KCNT2: variants seen among roughly 807,000 people sequenced by gnomAD.
KCNT2 encodes the protein potassium channel subfamily T member 2.
Under a neutral mutation model 153.8 loss-of-function variants are expected in KCNT2, and 67 were observed. The observed-to-expected ratio is 0.44, with a 90% CI of 0.36 to 0.53. KCNT2 has a LOEUF of 0.53. Ranked by LOEUF, KCNT2 falls within the 20% of genes least tolerant of loss-of-function variation. The pLI is 0.00. For synonymous variants in KCNT2, 500 were observed against 458.8 expected, an observed-to-expected ratio of 1.09 and a Z score of -1.15; for missense variants, 975 against 1,354.8, an observed-to-expected ratio of 0.72 and a Z score of 4.40.
chr1:196,384,883 C>T (rs745645047), intron 13 of KCNT2, among the ~76,000 whole-genome samples: 7 of 152,128 alleles, frequency 4.6e-5, no homozygotes, highest in Non-Finnish European at 1.0e-4. Flanking sequence ...GCATAACAAC[C>T]TAATCTTCAT....
chr1:196,288,137 T>A (rs922948112), intron 22 of KCNT2, among the ~76,000 whole-genome samples: 2 of 120,628 alleles, frequency 1.7e-5, no homozygotes, highest in Admixed American at 7.7e-5. Flanking sequence ...AAAAAATAAA[T>A]AAATAAAAAA....
intron 9 of KCNT2, 55 bp from the exon 10 acceptor site, chr1:196,428,324 C>T (rs1412519846): frequency 8.4e-7 from 1 of 1,194,320 alleles, no homozygotes; most frequent in Admixed American, 1.8e-5. Context: ...ATAAATAAAT[C>T]AATGCAATAC....
At chr1:196,557,659 C>T (rs1184859982) in intron 1 of KCNT2, among the ~76,000 whole-genome samples, 1 of 151,048 alleles carries the variant, frequency 6.6e-6, no homozygotes, top group Non-Finnish European at 1.5e-5. Flanking sequence ...TTCTATTTTA[C>T]TTACCACTGA....
At chr1:196,451,969 C>A (rs1676250518) in intron 8 of KCNT2, among the ~76,000 whole-genome samples, 1 of 151,740 alleles carries the variant, frequency 6.6e-6, no homozygotes, top group African/African-American at 2.4e-5. Flanking sequence ...TAATTTAGTT[C>A]TTTTTTTCAA....
intron 19 of KCNT2, 55 bp downstream of exon 19, chr1:196,326,662 T>G: frequency 9.6e-7 from 1 of 1,043,266 alleles, no homozygotes; most frequent in Non-Finnish European, 1.4e-6. Flanking sequence ...TTGATATACA[T>G]TAACATACTA....
chr1:196,541,363 C>T (rs973311571), intron 1 of KCNT2, among the ~76,000 whole-genome samples: 2 of 151,818 alleles, frequency 1.3e-5, no homozygotes, highest in Non-Finnish European at 2.9e-5. Context: ...CCTAATCCTG[C>T]CCATTGCCTC....
intron 13 of KCNT2, among the ~76,000 whole-genome samples, chr1:196,376,889 G>T (rs1669012483): frequency 6.6e-6 from 1 of 151,936 alleles, no homozygotes; most frequent in Admixed American, 6.6e-5. Flanking sequence ...GAAGATGTAG[G>T]TTATTAATAA....
Position 196,605,682 on chromosome 1 carries a change from A to C in KCNT2, c.95+2533T>G, listed in dbSNP as rs1046517194. Among the ~76,000 whole-genome samples the C allele has an allele frequency of 2.6e-5, 4 of 152,296 alleles. No homozygotes were observed. The East Asian group carries it at 7.7e-4, about 29-fold the overall frequency. The stretch of plus-strand genomic sequence containing the variant: ...TGAGTCCAAGAAGATAACTGAGTAG[A>C]ATGAGATTGCTATCCAGGCGTAATT... On this transcript the variant is annotated intron_variant, in intron 1 of 27. Coordinates refer to ENST00000294725, the MANE Select transcript of KCNT2 (RefSeq NM_198503.5).
At chr1:196,416,005 A>T (rs1672725434) in intron 12 of KCNT2, among the ~76,000 whole-genome samples, 1 of 152,024 alleles carries the variant, frequency 6.6e-6, no homozygotes, top group Non-Finnish European at 1.5e-5. Flanking sequence ...TCTAGAAAAA[A>T]ACAATTTATA....
intron 22 of KCNT2, among the ~76,000 whole-genome samples, chr1:196,286,617 TCACA>T (rs548240607): frequency 6.3e-5 from 9 of 143,176 alleles, no homozygotes; most frequent in African/African-American, 1.1e-4. Flanking sequence ...CTTCTGTATA[TCACA>T]CACACACACA....
intron 26 of KCNT2, among the ~76,000 whole-genome samples, chr1:196,243,736 G>A (rs1395810840): frequency 6.6e-6 from 1 of 152,182 alleles, no homozygotes; most frequent in Non-Finnish European, 1.5e-5. Context: ...GTGCTCTGGG[G>A]TTCTAAATAA....
intron 12 of KCNT2, among the ~76,000 whole-genome samples, chr1:196,405,607 T>G (rs567889698): frequency 2.6e-5 from 4 of 151,478 alleles, no homozygotes; most frequent in Non-Finnish European, 5.9e-5. Context: ...CTCCATAAAT[T>G]TATAATTTTT....
chr1:196,402,467 A>C (rs1302224429), intron 12 of KCNT2, among the ~76,000 whole-genome samples: 1 of 151,606 alleles, frequency 6.6e-6, no homozygotes, highest in Non-Finnish European at 1.5e-5. Context: ...TATAAAGCTC[A>C]CTATGAAGCA....
intron 20 of KCNT2, among the ~76,000 whole-genome samples, chr1:196,317,499 C>T (rs529506335): frequency 7.9e-5 from 12 of 151,668 alleles, no homozygotes; most frequent in African/African-American, 1.4e-4. Flanking sequence ...ATCAAAATGA[C>T]GCTTAAGTCA....
At chr1:196,300,275 ATTG>A (rs1364000405) in intron 22 of KCNT2, among the ~76,000 whole-genome samples, 1 of 152,184 alleles carries the variant, frequency 6.6e-6, no homozygotes, top group African/African-American at 2.4e-5. Flanking sequence ...TATTTTTCAT[ATTG>A]TTGTTATGAA....
intron 26 of KCNT2, among the ~76,000 whole-genome samples, chr1:196,250,377 C>T (rs149288777): frequency 6.6e-6 from 1 of 152,206 alleles, no homozygotes; most frequent in East Asian, 1.9e-4. Flanking sequence ...CAAGAACATA[C>T]ATTGGGGAAA....
intron 1 of KCNT2, among the ~76,000 whole-genome samples, chr1:196,572,909 ACT>A: frequency 6.6e-6 from 1 of 152,100 alleles, no homozygotes; most frequent in Admixed American, 6.6e-5. Context: ...AATGAGTTCT[ACT>A]CCATATACAT....
At position 196,489,834 on chromosome 1, in the gene KCNT2, T is replaced by C; in HGVS notation, c.275+4A>G. 7.0e-7 allele frequency: 1 copy of C among 1,425,864 alleles called. No homozygotes were observed. Among genetic ancestry groups the C allele is most frequent in the Non-Finnish European group, 9.7e-7 (1 of 1,028,642 alleles). The allele number at this position is 1,425,864 out of a possible 1,614,324, so 88.3% of individuals were successfully genotyped here. A position where few individuals can be genotyped will look rare whatever the true frequency, so the allele number is the denominator to read the frequency against. The stretch of plus-strand genomic sequence containing the variant: ...TTGTTGAAGGTCAGAAAAAGGTACC[T>C]TACCATTCATTTCCTTGTGAAGGGT... On this transcript the variant is annotated splice_donor_region_variant and intron_variant, in intron 3 of 27. Coordinates refer to ENST00000294725, the MANE Select transcript of KCNT2 (RefSeq NM_198503.5).
At chr1:196,238,061 A>G (rs112520754) in intron 26 of KCNT2, among the ~76,000 whole-genome samples, 7,390 of 151,972 alleles carry the variant, frequency 0.049, 281 homozygotes, top group Non-Finnish European at 0.071. Flanking sequence ...GAAAATCTAC[A>G]TCTTATTTGA....
Sources: allele counts gnomAD v4.1 joint callset (sites outside exome capture counted in the v4.1 genomes callset), GRCh38; gene constraint gnomAD v4.1.1; transcripts MANE v1.5; gene names NCBI Gene and HGNC (gene_info 2026-07-23, HGNC 2026-07-21).